The following DPYD variants were observed in gnomAD, a reference collection of about 807,000 sequenced individuals.
DPYD encodes the protein dihydropyrimidine dehydrogenase, also known as dihydropyrimidine dehydrogenase [NADP(+)].
A neutral mutation model predicts 116.2 loss-of-function variants in DPYD; 109 were observed. The observed-to-expected ratio is 0.94, with a 90% confidence interval of 0.80 to 1.10. The LOEUF is 1.10. DPYD is among the 50% of genes least tolerant of loss of function. The pLI is 0.00. For missense variants in DPYD, 1,302 were observed against 1,254.5 expected, an observed-to-expected ratio of 1.04 and a Z score of -0.57; for synonymous variants, 440 against 432.0, an observed-to-expected ratio of 1.02 and a Z score of -0.23.
intron 4 of DPYD, among the ~76,000 whole-genome samples, chr1:97,722,342 A>G (rs1315663703): frequency 6.6e-6 from 1 of 151,556 alleles, no homozygotes; most frequent in Admixed American, 6.6e-5. Context: ...GATTTTTATG[A>G]TATACTGGAA....
chr1:97,920,162 T>C (rs1187739310), intron 1 of DPYD, among the ~76,000 whole-genome samples: 3 of 152,176 alleles, frequency 2.0e-5, no homozygotes, highest in African/African-American at 7.2e-5. Flanking sequence ...TCATCGCATA[T>C]ATTAAGATAC....
chr1:97,619,578 A>C (rs2100767124), intron 8 of DPYD, among the ~76,000 whole-genome samples: 1 of 152,306 alleles, frequency 6.6e-6, no homozygotes, highest in South Asian at 2.1e-4. Flanking sequence ...AATGCAAGGG[A>C]AACACCGGTT....
intron 20 of DPYD, among the ~76,000 whole-genome samples, chr1:97,108,908 A>G (rs1651375441): frequency 6.6e-6 from 1 of 152,174 alleles, no homozygotes; most frequent in Non-Finnish European, 1.5e-5. Context: ...ACACATGTGG[A>G]TGCATTTGGT....
intron 1 of DPYD, among the ~76,000 whole-genome samples, chr1:97,885,694 T>G (rs957879203): frequency 6.6e-6 from 1 of 152,016 alleles, no homozygotes; most frequent in Non-Finnish European, 1.5e-5. Context: ...GCAAATAAAT[T>G]GAGGGTGATT....
intron 1 of DPYD, among the ~76,000 whole-genome samples, chr1:97,905,155 T>C (rs1295127405): frequency 2.0e-5 from 3 of 152,048 alleles, no homozygotes; most frequent in Non-Finnish European, 4.4e-5. Context: ...TTGCTTTGTT[T>C]TGAACACTGT....
chr1:97,570,757 A>C (rs761941072), intron 11 of DPYD, among the ~76,000 whole-genome samples: 40 of 151,754 alleles, frequency 2.6e-4, no homozygotes, highest in Non-Finnish European at 5.2e-4. Flanking sequence ...CTTAATGTAC[A>C]CATTCCTCAC....
intron 13 of DPYD, among the ~76,000 whole-genome samples, chr1:97,510,916 G>A (rs1370279923): frequency 1.3e-5 from 2 of 151,836 alleles, no homozygotes; most frequent in African/African-American, 4.8e-5. Context: ...ACATTGTGAG[G>A]CAAGAGAGAT....
intron 20 of DPYD, among the ~76,000 whole-genome samples, chr1:97,106,726 C>T (rs1651182934): frequency 6.6e-6 from 1 of 152,128 alleles, no homozygotes; most frequent in South Asian, 2.1e-4. Flanking sequence ...AATTACACTA[C>T]AAGCTTTCCT....
intron 11 of DPYD, among the ~76,000 whole-genome samples, chr1:97,559,711 T>G (rs1043903408): frequency 1.3e-5 from 2 of 152,180 alleles, no homozygotes; most frequent in Non-Finnish European, 2.9e-5. Flanking sequence ...AGTAGAATTT[T>G]GTTTAAACAA....
At chr1:97,509,229 G>C (rs1647599133) in intron 13 of DPYD, among the ~76,000 whole-genome samples, 1 of 151,984 alleles carries the variant, frequency 6.6e-6, no homozygotes, top group African/African-American at 2.4e-5. Flanking sequence ...TGCAGCAATA[G>C]GTACGTGATG....
intron 3 of DPYD, among the ~76,000 whole-genome samples, chr1:97,766,232 ACT>A (rs531431622): frequency 9.5e-4 from 144 of 152,092 alleles, no homozygotes; most frequent in South Asian, 2.3e-3. Flanking sequence ...CAAGAGAGAA[ACT>A]CAGTCTCAAA....
Position 97,079,105 on chromosome 1 carries a change from G to T in DPYD, c.2949C>A (p.Thr983=). ...FDPETHLPTI[T]DTCTGCTLCL... Reference sequence around the variant, plus strand: ...ACAGAGTACAGCCTGTACAAGTGTCGGTTATGGTGGGCAGGTGGGTTTCTG... The same window carrying T: ...ACAGAGTACAGCCTGTACAAGTGTCTGTTATGGTGGGCAGGTGGGTTTCTG... Residue 983 remains threonine (T), a synonymous_variant, in exon 23 of 23, where the codon ACC becomes ACA. Transcript: ENST00000370192. The T allele has an allele frequency of 6.2e-7, 1 of 1,613,632 alleles. No individual in the cohort carries two copies. Among genetic ancestry groups the T allele is most frequent in the African/African-American group, 1.3e-5 (1 of 74,970 alleles).
intron 13 of DPYD, chr1:97,514,280 GTC>G (rs1300310752): frequency 1.0e-6 from 1 of 965,354 alleles, no homozygotes; most frequent in Non-Finnish European, 1.2e-6. Flanking sequence ...AAAGACTGAT[GTC>G]TCTGATTAAT....
chr1:97,803,708 AAAGTT>A (rs1571384850), intron 3 of DPYD, among the ~76,000 whole-genome samples: 1 of 151,916 alleles, frequency 6.6e-6, no homozygotes. Flanking sequence ...ATATGGCTGA[AAAGTT>A]AAAATTTCCT....
At chr1:97,752,501 C>T (rs1003964285) in intron 3 of DPYD, among the ~76,000 whole-genome samples, 1 of 152,186 alleles carries the variant, frequency 6.6e-6, no homozygotes, top group Non-Finnish European at 1.5e-5. Flanking sequence ...TCACGACATT[C>T]TCCTTAAGGG....
At chr1:97,389,012 G>A (rs573429246) in intron 14 of DPYD, among the ~76,000 whole-genome samples, 1 of 152,042 alleles carries the variant, frequency 6.6e-6, no homozygotes, top group Admixed American at 6.6e-5. Context: ...TTCTAAATTC[G>A]ATGTGGAAAA....
At position 97,656,814 on chromosome 1, in the gene DPYD, T is replaced by A. The variant is rs562448615; in HGVS notation, c.850+22281A>T. Among the ~76,000 whole-genome samples the A allele has an allele frequency of 1.1e-4, 17 of 149,308 alleles. No homozygotes were observed. In the South Asian group the frequency reaches 2.7e-3, roughly 24 times the overall value. ...TACTTTGTCTCAATGCTTAGGAATTTTTTATTTTTTTTTTTTTCAAAAGAC... is the reference window on the plus strand; with the variant it reads ...TACTTTGTCTCAATGCTTAGGAATTATTTATTTTTTTTTTTTTCAAAAGAC... On this transcript the variant is annotated intron_variant, in intron 8 of 22. Coordinates refer to ENST00000370192, the MANE Select transcript of DPYD (RefSeq NM_000110.4).
intron 5 of DPYD, among the ~76,000 whole-genome samples, chr1:97,709,184 A>G (rs962102409): frequency 6.6e-5 from 10 of 151,834 alleles, no homozygotes; most frequent in African/African-American, 2.4e-4. Flanking sequence ...CAAATATTGT[A>G]TCACTTGGAC....
chr1:97,105,541 A>G (rs554671666), intron 20 of DPYD, among the ~76,000 whole-genome samples: 1 of 152,218 alleles, frequency 6.6e-6, no homozygotes, highest in South Asian at 2.1e-4. Flanking sequence ...ATATAGCTGA[A>G]AAGAATAGAA....
Sources: gnomAD v4.1 joint callset for allele counts (sites outside exome capture counted in the v4.1 genomes callset) on GRCh38, gnomAD v4.1.1 for gene constraint, MANE v1.5 for transcripts, NCBI Gene and HGNC (gene_info 2026-07-23, HGNC 2026-07-21) for gene names.